Variants in SNX29 observed in about 807,000 individuals in gnomAD.
SNX29 encodes sorting nexin 29.
A neutral mutation model predicts 102.1 loss-of-function variants in SNX29; 78 were observed. The ratio of observed to expected loss-of-function variants is 0.76; its 90% CI spans 0.64 to 0.92. The LOEUF (loss-of-function observed/expected upper bound fraction) is 0.92, where lower values mean the gene tolerates loss of function less well. Ranked by LOEUF, SNX29 falls within the 40% of genes least tolerant of loss-of-function variation. The pLI is 0.00. For synonymous variants in SNX29, 580 were observed against 414.5 expected (o/e 1.40, Z -4.85); for missense variants, 1,280 against 1,061.7 (o/e 1.21, Z -2.86).
At chr16:12,177,296 G>C (rs1040208332) in intron 13 of SNX29, among the ~76,000 whole-genome samples, 3 of 152,186 alleles carry the variant, frequency 2.0e-5, no homozygotes, top group African/African-American at 7.2e-5. Context: ...GGTGTGTCTA[G>C]CTGCTTTCCT....
intron 15 of SNX29, among the ~76,000 whole-genome samples, chr16:12,309,316 T>C (rs1227141566): frequency 6.6e-6 from 1 of 152,212 alleles, no homozygotes; most frequent in Non-Finnish European, 1.5e-5. Flanking sequence ...GCTACCTATC[T>C]AGCCTCCCAA....
intron 18 of SNX29, among the ~76,000 whole-genome samples, chr16:12,404,910 G>C (rs1240012632): frequency 1.3e-5 from 2 of 152,292 alleles, no homozygotes; most frequent in South Asian, 2.1e-4. Flanking sequence ...GGAAATCTTA[G>C]GGACAGATGA....
chr16:12,141,740 A>G (rs980096288), intron 13 of SNX29, among the ~76,000 whole-genome samples: 1 of 152,234 alleles, frequency 6.6e-6, no homozygotes, highest in Non-Finnish European at 1.5e-5. Flanking sequence ...TTAGCACATA[A>G]TGAGCAGTGA....
chr16:12,212,875 A>C (rs1383912616), intron 14 of SNX29, among the ~76,000 whole-genome samples: 1 of 152,342 alleles, frequency 6.6e-6, no homozygotes, highest in Non-Finnish European at 1.5e-5. Context: ...GCACTTTGGG[A>C]GGCCGAGGTG....
Position 12,407,969 on chromosome 16 carries a change from C to G in SNX29, c.2037+4440C>G, listed in dbSNP as rs182219591. On this transcript the variant is annotated intron_variant, in intron 18 of 20. Coordinates refer to ENST00000566228, the MANE Select transcript of SNX29 (RefSeq NM_032167.5). ...AATAGCCCCTGTATTTCAGCCTACG[C>G]AACACAGTGAGACCCTGTCTCTCCA... Among the ~76,000 whole-genome samples the G allele has an allele frequency of 6.5e-4, 99 of 152,206 alleles. 1 individual carries two copies. Among genetic ancestry groups the G allele is most frequent in the African/African-American group, 2.3e-3 (96 of 41,514 alleles).
intron 18 of SNX29, among the ~76,000 whole-genome samples, chr16:12,418,928 C>T (rs1482712033): frequency 6.6e-6 from 1 of 152,138 alleles, no homozygotes; most frequent in Non-Finnish European, 1.5e-5. Flanking sequence ...CCAGGAGCGG[C>T]AGTTATACAT....
chr16:12,478,647 G>A (rs2087767954), intron 19 of SNX29, among the ~76,000 whole-genome samples: 1 of 152,190 alleles, frequency 6.6e-6, no homozygotes, highest in Non-Finnish European at 1.5e-5. Context: ...TTGGAGCCCT[G>A]TCAAATGGTC....
At chr16:12,170,029 G>T (rs533384672) in intron 13 of SNX29, among the ~76,000 whole-genome samples, 1 of 152,112 alleles carries the variant, frequency 6.6e-6, no homozygotes, top group South Asian at 2.1e-4. Context: ...CTTGCTCTCC[G>T]TGCCGACACT....
chr16:12,302,516 C>G lies in SNX29; in HGVS notation c.1782+24480C>G, dbSNP rs572647528. Among the ~76,000 whole-genome samples, 13 of 152,280 alleles carry G rather than the reference C, an allele frequency of 8.5e-5. No individual in the cohort carries two copies. The South Asian group carries it at 2.7e-3, about 32-fold the overall frequency. On this transcript the variant is annotated intron_variant, in intron 15 of 20. Coordinates refer to ENST00000566228, the MANE Select transcript of SNX29 (RefSeq NM_032167.5). ...TCTGGTGAGGGCCCACTTTGTGGTT[C>G]ATAGAGGGCATGTTCTTGCCATGTT...
chr16:12,029,552 A>C (rs1233540272), intron 4 of SNX29: 1 of 452,838 alleles, frequency 2.2e-6, no homozygotes, highest in Admixed American at 2.4e-5. Flanking sequence ...CACTGCCGTT[A>C]TTGGCGTTTG....
At chr16:12,511,140 C>T (rs1403812332) in intron 19 of SNX29, among the ~76,000 whole-genome samples, 1 of 152,174 alleles carries the variant, frequency 6.6e-6, no homozygotes, top group Non-Finnish European at 1.5e-5. Context: ...GTTTTTGGAA[C>T]TCTGGTATTT....
At chr16:12,310,565 T>C (rs2080505320) in intron 15 of SNX29, among the ~76,000 whole-genome samples, 1 of 151,650 alleles carries the variant, frequency 6.6e-6, no homozygotes, top group Non-Finnish European at 1.5e-5. Context: ...ATTCCATTTA[T>C]AGAAAACTCT....
intron 13 of SNX29, among the ~76,000 whole-genome samples, chr16:12,137,424 C>A (rs1329498455): frequency 2.0e-5 from 3 of 152,180 alleles, no homozygotes; most frequent in Non-Finnish European, 2.9e-5. Flanking sequence ...TTTTTCCAGC[C>A]CTGCCTGCCC....
Position 12,533,169 on chromosome 16 carries a change from C to G in SNX29, c.2318+8328C>G, listed in dbSNP as rs148771833. ...TTGCCAGGCAGGGCCTCTCTCTGAA[C>G]AAACTGGATTCTGGAACCAGCAGCC... On this transcript the variant is annotated intron_variant, in intron 20 of 20. Transcript: ENST00000566228. Among the ~76,000 whole-genome samples, 589 of 152,356 alleles carry G rather than the reference C, an allele frequency of 3.9e-3. 6 individuals are homozygous for G. The highest frequency in any genetic ancestry group is 0.013 in the African/African-American group (552 of 41,586).
chr16:12,527,268 G>A (rs920497524), intron 20 of SNX29: 3 of 532,644 alleles, frequency 5.6e-6, no homozygotes, highest in Non-Finnish European at 1.1e-5. Context: ...ATCTCCATGT[G>A]ATCGTGTCCT....
intron 13 of SNX29, among the ~76,000 whole-genome samples, chr16:12,181,400 T>C (rs1346842074): frequency 1.3e-5 from 2 of 152,184 alleles, no homozygotes; most frequent in Non-Finnish European, 2.9e-5. Context: ...GAAGCAGGGC[T>C]TCCAGGTCCT....
intron 20 of SNX29, among the ~76,000 whole-genome samples, chr16:12,559,538 C>G (rs145504073): frequency 6.6e-6 from 1 of 151,906 alleles, no homozygotes; most frequent in Non-Finnish European, 1.5e-5. Context: ...AGCATCCCCA[C>G]CCCCTACATC....
At chr16:12,060,058 G>A (rs556364592) in intron 8 of SNX29, among the ~76,000 whole-genome samples, 26 of 152,102 alleles carry the variant, frequency 1.7e-4, no homozygotes, top group African/African-American at 6.3e-4. Flanking sequence ...AAACCTTACA[G>A]TACAGCTGGC....
At chr16:12,542,326 T>A (rs556855474) in intron 20 of SNX29, among the ~76,000 whole-genome samples, 4 of 152,338 alleles carry the variant, frequency 2.6e-5, no homozygotes, top group South Asian at 4.1e-4. Context: ...AGAGCTGCTG[T>A]TAGAGCAAGA....
Sources: gnomAD v4.1 joint callset for allele counts (sites outside exome capture counted in the v4.1 genomes callset) on GRCh38, gnomAD v4.1.1 for gene constraint, MANE v1.5 for transcripts, NCBI Gene and HGNC (gene_info 2026-07-23, HGNC 2026-07-21) for gene names.